Variants in POLR3K observed in about 807,000 individuals in gnomAD.
POLR3K encodes RNA polymerase III subunit K, also known as DNA-directed RNA polymerase III subunit RPC10.
POLR3K carries 11 observed loss-of-function variants against 13.5 expected under a neutral mutation model. The observed-to-expected ratio is 0.81, with a 90% CI of 0.51 to 1.35. The LOEUF (loss-of-function observed/expected upper bound fraction) is 1.35, where lower values mean the gene tolerates loss of function less well. Among genes scored for constraint, POLR3K ranks in the 40% most tolerant of loss-of-function variants. The probability of loss-of-function intolerance (pLI) is 0.00; values close to 1 mark genes in which losing one functional copy is unlikely to be tolerated. For missense variants in POLR3K, 144 were observed against 145.3 expected, an observed-to-expected ratio of 0.99 and a Z score of 0.05; for synonymous variants, 56 against 51.5, an observed-to-expected ratio of 1.09 and a Z score of -0.38.
chr16:48,270 T>C (rs1432940255), intron 2 of POLR3K, among the ~76,000 whole-genome samples: 1 of 151,942 alleles, frequency 6.6e-6, no homozygotes, highest in East Asian at 1.9e-4. Context: ...CAAACAGTGA[T>C]GTCATTCCCA....
intron 1 of POLR3K, among the ~76,000 whole-genome samples, chr16:52,775 AAAAAAAAAAAAAAAAAAAAAC>A (rs201083254): frequency 0.59 from 80,658 of 136,796 alleles, 23,838 homozygotes; most frequent in Non-Finnish European, 0.61. Flanking sequence ...CAAAAAAAAA[AAAAAAAAAAAAAAAAAAAAAC>A]AATAAAAAAA....
In POLR3K at chr16:47,322, C is replaced by A; in HGVS notation, c.*108G>T. The A allele has an allele frequency of 7.1e-7, 1 of 1,403,854 alleles. No individual in the cohort carries two copies. The highest frequency in any genetic ancestry group is 2.2e-5 in the Admixed American group (1 of 45,970). The allele number at this position is 1,403,854 out of a possible 1,614,324, so 87.0% of individuals were successfully genotyped here. A position where few individuals can be genotyped will look rare whatever the true frequency, so the allele number is the denominator to read the frequency against. On this transcript the variant is annotated 3_prime_UTR_variant, in exon 3 of 3. Coordinates refer to ENST00000293860, the MANE Select transcript of POLR3K (RefSeq NM_016310.5). ...TCTTCACCTCAAAAGGTTTATCTTTCCACCACACTAGCAAAGACCCTCAGG... is the reference window on the plus strand; with the variant it reads ...TCTTCACCTCAAAAGGTTTATCTTTACACCACACTAGCAAAGACCCTCAGG...
At position 46,707 on chromosome 16, in the gene POLR3K, G is replaced by A. The variant is rs1390867599; in HGVS notation, c.*723C>T. 6.7e-6 allele frequency: 1 copy of A among 150,368 alleles called. No homozygotes were observed. Among genetic ancestry groups the A allele is most frequent in the African/African-American group, 2.5e-5 (1 of 40,478 alleles). 9.3% of individuals were successfully genotyped at this position (150,368 alleles called of 1,614,324 possible). On this transcript the variant is annotated 3_prime_UTR_variant, in exon 3 of 3. Transcript: ENST00000293860. ...CCACTGCACTCCAGCCTGGGCGACA[G>A]AACAAGACTCTGTCTTAAATAAATA... is the stretch of plus-strand genomic sequence containing the variant.
chr16:49,405 T>C (rs975482366), intron 2 of POLR3K, among the ~76,000 whole-genome samples: 6 of 148,846 alleles, frequency 4.0e-5, no homozygotes, highest in African/African-American at 1.2e-4. Flanking sequence ...ACCATTGCAC[T>C]CTTCAAAGCG....
chr16:46,884 G>A lies in POLR3K; in HGVS notation c.*546C>T, dbSNP rs1290237811. On this transcript the variant is annotated 3_prime_UTR_variant, in exon 3 of 3. Transcript: ENST00000293860. The stretch of plus-strand genomic sequence containing the variant: ...TGAAATCCCGGTGATTAACATTTTC[G>A]TAGCCTGTTCAAATGTAAGTATGTA... 1.3e-5 allele frequency: 2 copies of A among 152,084 alleles called. No individual in the cohort carries two copies. The highest frequency in any genetic ancestry group is 2.9e-5 in the Non-Finnish European group (2 of 68,026). The allele number at this position is 152,084 out of a possible 1,614,324, so 9.4% of individuals were successfully genotyped here. A position where few individuals can be genotyped will look rare whatever the true frequency, so the allele number is the denominator to read the frequency against.
chr16:50,945 G>A (rs745812322), intron 2 of POLR3K, among the ~76,000 whole-genome samples: 1 of 152,194 alleles, frequency 6.6e-6, no homozygotes, highest in Non-Finnish European at 1.5e-5. Context: ...GCGAGCAGGG[G>A]AAACGCAAAC....
chr16:51,692 C>T (rs775985853), intron 1 of POLR3K, 47 bp from the exon 2 acceptor site: 1 of 1,494,096 alleles, frequency 6.7e-7, no homozygotes, highest in African/African-American at 1.4e-5. Flanking sequence ...ATAGCGCAAA[C>T]CTGGGCTGCC....
At chr16:52,795 A>AAAAAAAAAAC (rs1301989386) in intron 1 of POLR3K, among the ~76,000 whole-genome samples, 2 of 26,840 alleles carry the variant, frequency 7.5e-5, no homozygotes, top group African/African-American at 2.6e-4. Context: ...AAAAAAAAAA[A>AAAAAAAAAAC]CAATAAAAAA....
rs1897284322 is a variant in POLR3K, at chr16:46,529, A to G, written c.*901T>C. 1 of 152,130 alleles carries G rather than the reference A, an allele frequency of 6.6e-6. No individual in the cohort carries two copies. Among genetic ancestry groups the G allele is most frequent in the Non-Finnish European group, 1.5e-5 (1 of 68,026 alleles). 9.4% of individuals were successfully genotyped at this position (152,130 alleles called of 1,614,324 possible). Reference sequence around the variant, plus strand: ...TATCTGAGGTCAGGAGTTGGAGACCAGCCCGACCAACATGGAGAAACCCCA... The same window carrying G: ...TATCTGAGGTCAGGAGTTGGAGACCGGCCCGACCAACATGGAGAAACCCCA... On this transcript the variant is annotated 3_prime_UTR_variant, in exon 3 of 3. Coordinates refer to ENST00000293860, the MANE Select transcript of POLR3K (RefSeq NM_016310.5).
At chr16:52,765 CAAAAAAAAAAAAAA>C (rs946489081) in intron 1 of POLR3K, among the ~76,000 whole-genome samples, 1,622 of 33,372 alleles carry the variant, frequency 0.049, 24 homozygotes, top group African/African-American at 0.15. Flanking sequence ...GACTCCGTCT[CAAAAAAAAAAAAAA>C]AAAAAAAAAA....
At chr16:50,999 G>C (rs534888305) in intron 2 of POLR3K, among the ~76,000 whole-genome samples, 2 of 152,258 alleles carry the variant, frequency 1.3e-5, no homozygotes, top group South Asian at 2.1e-4. Context: ...CTCACTATCA[G>C]GAGAACAGCA....
chr16:47,585 C>A (rs747980531), intron 2 of POLR3K, 28 bp from the exon 3 acceptor site: 2 of 1,604,822 alleles, frequency 1.2e-6, no homozygotes, highest in East Asian at 4.5e-5. Flanking sequence ...GAAGTGACCA[C>A]ATTTAAAAAA....
intron 1 of POLR3K, chr16:53,229 C>A: frequency 1.5e-6 from 1 of 677,196 alleles, no homozygotes; most frequent in Non-Finnish European, 2.3e-6. Flanking sequence ...AGGAAATCAC[C>A]GTGGCCGCCG....
Position 53,444 on chromosome 16 carries a change from G to T in POLR3K, c.111+32C>A, listed in dbSNP as rs751435502. ...AGGACGCGGAAGGCCTGCGAGAGTCGCCCGCGCCCAGCGCCGGCCTTCGGG... is the reference window on the plus strand; with the variant it reads ...AGGACGCGGAAGGCCTGCGAGAGTCTCCCGCGCCCAGCGCCGGCCTTCGGG... On this transcript the variant is annotated intron_variant, in intron 1 of 2. Coordinates refer to ENST00000293860, the MANE Select transcript of POLR3K (RefSeq NM_016310.5). 12 of 1,427,348 alleles carry T rather than the reference G, an allele frequency of 8.4e-6. No individual in the cohort carries two copies. The Admixed American group carries it at 2.9e-4, about 35-fold the overall frequency. 88.4% of individuals were successfully genotyped at this position (1,427,348 alleles called of 1,614,324 possible).
chr16:51,599 A>T lies in POLR3K; in HGVS notation c.158T>A (p.Leu53His). 1 of 1,614,160 alleles carries T rather than the reference A, an allele frequency of 6.2e-7. No homozygotes were observed. Among genetic ancestry groups the T allele is most frequent in the Non-Finnish European group, 8.5e-7 (1 of 1,180,010 alleles). Residue 53 changes from leucine (L) to histidine (H), a missense_variant, in exon 2 of 3, where the codon CTT becomes CAT. Coordinates refer to ENST00000293860, the MANE Select transcript of POLR3K (RefSeq NM_016310.5). The stretch of plus-strand genomic sequence containing the variant: ...ATTCTCCCAGGCAGCTGCTCCACCA[A>T]GCACATCATCCACTTCTTTCAGTTT... ...YPKLKEVDDV[L>H]GGAAAWENVD...
chr16:52,786 A>T (rs1897351711), intron 1 of POLR3K, among the ~76,000 whole-genome samples: 5 of 25,722 alleles, frequency 1.9e-4, no homozygotes, highest in Admixed American at 1.1e-3. Flanking sequence ...AAAAAAAAAA[A>T]AAAAAAAAAC....
chr16:46,961 A>G lies in POLR3K; in HGVS notation c.*469T>C, dbSNP rs974245151. The G allele has an allele frequency of 6.6e-6, 1 of 152,324 alleles. No individual in the cohort carries two copies. Among genetic ancestry groups the G allele is most frequent in the Non-Finnish European group, 1.5e-5 (1 of 68,172 alleles). The allele number at this position is 152,324 out of a possible 1,614,324, so 9.4% of individuals were successfully genotyped here. On this transcript the variant is annotated 3_prime_UTR_variant, in exon 3 of 3. Transcript: ENST00000293860. ...GGGTTTGCTTTCTACCTCTTAAGCT[A>G]TTTAAAACACTGAGAAGGCAATATT...
chr16:53,532 G>T lies in POLR3K; in HGVS notation c.55C>A (p.Arg19Ser). ...GNGLIVEEGQ[R>S]CHRFACNTCP... ...GTGTTGCAGGCGAAGCGGTGGCAGCGTTGTCCCTCCTCCACGATCAGCCCG... is the reference window on the plus strand; with the variant it reads ...GTGTTGCAGGCGAAGCGGTGGCAGCTTTGTCCCTCCTCCACGATCAGCCCG... Residue 19 changes from arginine to serine, a missense_variant, in exon 1 of 3, where the codon CGC becomes AGC. Coordinates refer to ENST00000293860, the MANE Select transcript of POLR3K (RefSeq NM_016310.5). 6.2e-7 allele frequency: 1 copy of T among 1,613,228 alleles called. No homozygotes were observed. The highest frequency in any genetic ancestry group is 8.5e-7 in the Non-Finnish European group (1 of 1,179,772).
At chr16:50,044 C>A (rs1897318424) in intron 2 of POLR3K, among the ~76,000 whole-genome samples, 1 of 151,784 alleles carries the variant, frequency 6.6e-6, no homozygotes, top group Non-Finnish European at 1.5e-5. Flanking sequence ...CTGCAACCTC[C>A]ACTTCCCGGG....
Sources: gnomAD v4.1 joint callset for allele counts (sites outside exome capture counted in the v4.1 genomes callset) on GRCh38, gnomAD v4.1.1 for gene constraint, MANE v1.5 for transcripts, NCBI Gene and HGNC (gene_info 2026-07-23, HGNC 2026-07-21) for gene names.